Variants in GABRB1 observed in about 807,000 individuals in gnomAD.
The protein encoded by GABRB1 is gamma-aminobutyric acid type A receptor subunit beta1.
A neutral mutation model predicts 51.6 loss-of-function variants in GABRB1; 17 were observed. That is an observed-to-expected ratio of 0.33 (90% CI 0.23 to 0.49). The LOEUF is 0.49. Among genes scored for constraint, GABRB1 ranks in the 20% least tolerant of loss-of-function variants. The pLI is 0.99. For missense variants in GABRB1, 410 were observed against 600.6 expected (o/e 0.68, Z 3.32); for synonymous variants, 247 against 218.9 (o/e 1.13, Z -1.14).
intron 5 of GABRB1, among the ~76,000 whole-genome samples, chr4:47,324,251 G>A (rs956633381): frequency 2.0e-5 from 3 of 152,134 alleles, no homozygotes; most frequent in Non-Finnish European, 2.9e-5. Context: ...TTCACAGGAA[G>A]ATGTGTTTCT....
intron 3 of GABRB1, among the ~76,000 whole-genome samples, chr4:47,108,504 C>A (rs944649077): frequency 1.3e-5 from 2 of 151,894 alleles, no homozygotes; most frequent in African/African-American, 4.8e-5. Flanking sequence ...GCATAAATTT[C>A]TGAATACAAA....
At chr4:47,333,064 A>G (rs947924966) in intron 5 of GABRB1, among the ~76,000 whole-genome samples, 1 of 147,796 alleles carries the variant, frequency 6.8e-6, no homozygotes, top group African/African-American at 2.5e-5. Flanking sequence ...ATGTTAATCT[A>G]TTTTTAAAAT....
intron 1 of GABRB1, among the ~76,000 whole-genome samples, chr4:47,016,536 G>A (rs1422304533): frequency 2.0e-5 from 3 of 151,924 alleles, no homozygotes; most frequent in African/African-American, 7.3e-5. Context: ...CGTCCTCTAG[G>A]TGACAAAATT....
intron 3 of GABRB1, among the ~76,000 whole-genome samples, chr4:47,155,576 G>A (rs971406446): frequency 4.0e-5 from 6 of 151,828 alleles, no homozygotes; most frequent in African/African-American, 1.5e-4. Context: ...TGCAGACTAT[G>A]GGGGCAGTGA....
intron 4 of GABRB1, among the ~76,000 whole-genome samples, chr4:47,207,198 C>T (rs1408845247): frequency 6.6e-6 from 1 of 151,942 alleles, no homozygotes; most frequent in African/African-American, 2.4e-5. Flanking sequence ...AAGGTTAGCT[C>T]ATTTATCTCC....
chr4:47,149,888 C>G (rs1406477810), intron 3 of GABRB1, among the ~76,000 whole-genome samples: 1 of 151,962 alleles, frequency 6.6e-6, no homozygotes, highest in Non-Finnish European at 1.5e-5. Context: ...TCTATCCAGA[C>G]TCAGTCAAAG....
intron 3 of GABRB1, among the ~76,000 whole-genome samples, chr4:47,046,648 G>A (rs533864616): frequency 6.6e-6 from 1 of 152,042 alleles, no homozygotes. Context: ...TGCAGGAGAA[G>A]AATAATCTAG....
At chr4:47,136,823 T>C (rs552278970) in intron 3 of GABRB1, among the ~76,000 whole-genome samples, 5 of 152,200 alleles carry the variant, frequency 3.3e-5, no homozygotes, top group Non-Finnish European at 5.9e-5. Context: ...TTATTGTATA[T>C]CTATACTTTA....
At chr4:47,178,325 C>T (rs560690617) in intron 4 of GABRB1, among the ~76,000 whole-genome samples, 21 of 152,088 alleles carry the variant, frequency 1.4e-4, no homozygotes, top group Non-Finnish European at 2.8e-4. Context: ...TGAGGAGGTT[C>T]TGCTACTTTC....
chr4:47,122,928 A>G (rs1048702286), intron 3 of GABRB1, among the ~76,000 whole-genome samples: 29 of 152,300 alleles, frequency 1.9e-4, no homozygotes, highest in African/African-American at 7.0e-4. Flanking sequence ...CTGGTAGAAT[A>G]CTAGCCCTAA....
At chr4:47,303,335 C>T (rs571188613) in intron 4 of GABRB1, among the ~76,000 whole-genome samples, 1 of 151,036 alleles carries the variant, frequency 6.6e-6, no homozygotes, top group Non-Finnish European at 1.5e-5. Flanking sequence ...TTAAATTACA[C>T]TTTAAATGTT....
intron 5 of GABRB1, among the ~76,000 whole-genome samples, chr4:47,365,275 C>A (rs142425014): frequency 6.6e-6 from 1 of 152,188 alleles, no homozygotes; most frequent in Non-Finnish European, 1.5e-5. Flanking sequence ...ATACAGTGAA[C>A]CCTAGGCAAA....
intron 3 of GABRB1, among the ~76,000 whole-genome samples, chr4:47,105,965 A>C (rs950935585): frequency 2.0e-5 from 3 of 152,120 alleles, no homozygotes; most frequent in African/African-American, 7.2e-5. Flanking sequence ...GACATTGACC[A>C]TAGGTAAGCA....
At chr4:47,112,230 G>T (rs970061622) in intron 3 of GABRB1, among the ~76,000 whole-genome samples, 8 of 152,072 alleles carry the variant, frequency 5.3e-5, no homozygotes, top group Admixed American at 5.2e-4. Flanking sequence ...CAGCAAGATT[G>T]TCCTGAATCC....
chr4:47,423,390 C>T (rs905238780), intron 8 of GABRB1, among the ~76,000 whole-genome samples: 2 of 152,228 alleles, frequency 1.3e-5, no homozygotes, highest in African/African-American at 4.8e-5. Flanking sequence ...ATCACCATTC[C>T]CTAGCTTCAC....
intron 3 of GABRB1, among the ~76,000 whole-genome samples, chr4:47,077,006 G>A (rs751738168): frequency 2.0e-5 from 3 of 152,114 alleles, no homozygotes; most frequent in Non-Finnish European, 4.4e-5. Context: ...TCACATCAGT[G>A]GCAATACCAT....
intron 4 of GABRB1, among the ~76,000 whole-genome samples, chr4:47,280,615 T>C (rs1723251576): frequency 6.6e-6 from 1 of 151,510 alleles, no homozygotes; most frequent in South Asian, 2.1e-4. Context: ...GAGAAAGTTT[T>C]TATCTCACCA....
chr4:47,195,394 T>TGATGATA (rs767360117), intron 4 of GABRB1, among the ~76,000 whole-genome samples: 8 of 92,156 alleles, frequency 8.7e-5, no homozygotes, highest in African/African-American at 2.0e-4. Context: ...GATAGATAGA[T>TGATGATA]GATAGATAGA....
intron 3 of GABRB1, among the ~76,000 whole-genome samples, chr4:47,108,894 C>G (rs945810406): frequency 1.2e-4 from 19 of 152,130 alleles, no homozygotes; most frequent in Admixed American, 6.6e-4. Context: ...TACCTATTAT[C>G]TGGAGACATT....
Sources: gnomAD v4.1 joint callset for allele counts (sites outside exome capture counted in the v4.1 genomes callset) on GRCh38, gnomAD v4.1.1 for gene constraint, MANE v1.5 for transcripts, NCBI Gene and HGNC (gene_info 2026-07-23, HGNC 2026-07-21) for gene names.